PLEKHA8: variants seen among roughly 807,000 people sequenced by gnomAD.
PLEKHA8 encodes pleckstrin homology domain containing A8.
A neutral mutation model predicts 68.2 loss-of-function variants in PLEKHA8; 36 were observed. That is an observed-to-expected ratio of 0.53 (90% CI 0.40 to 0.70). The LOEUF (loss-of-function observed/expected upper bound fraction) is 0.70, where lower values mean the gene tolerates loss of function less well. Among genes scored for constraint, PLEKHA8 ranks in the 30% least tolerant of loss-of-function variants. PLEKHA8 has a pLI of 0.00. For missense variants in PLEKHA8, 505 were observed against 615.4 expected, an observed-to-expected ratio of 0.82 and a Z score of 1.90; for synonymous variants, 211 against 216.1, an observed-to-expected ratio of 0.98 and a Z score of 0.20.
At position 30,082,330 on chromosome 7, in the gene PLEKHA8, T is replaced by A. The variant is rs1794977112; in HGVS notation, c.*3543T>A. 5.1e-6 allele frequency: 5 copies of A among 985,448 alleles called. No homozygotes were observed. Among genetic ancestry groups the A allele is most frequent in the Non-Finnish European group, 4.8e-6 (4 of 830,060 alleles). The allele number at this position is 985,448 out of a possible 1,614,324, so 61.0% of individuals were successfully genotyped here. A position where few individuals can be genotyped will look rare whatever the true frequency, so the allele number is the denominator to read the frequency against. On this transcript the variant is annotated 3_prime_UTR_variant, in exon 14 of 14. Transcript: ENST00000449726. ...ATCAGCACACCAAATCTACCCCCAC[T>A]TATGTTTGTTCTGCCCCATTTCCCA...
rs1562563671 is a variant in PLEKHA8 at position 30,128,109 on chromosome 7, T to TAC, written c.1363-1157_1363-1156insAC. Among the ~76,000 whole-genome samples, 57 of 151,292 alleles carry TAC rather than the reference T, an allele frequency of 3.8e-4. 1 individual carries two copies. Among genetic ancestry groups the TAC allele is most frequent in the Middle Eastern group, 3.4e-3 (1 of 292 alleles). ...TTACTGTATTTTTTTTTTTTTTTTT[T>TAC]TTACTTATTTATTTTGAGACAAGGT... is the stretch of plus-strand genomic sequence containing the variant. On this transcript the variant is annotated intron_variant, in intron 13 of 13. Transcript: ENST00000396257.
At chr7:30,090,675 A>G in exon 13 of PLEKHA8, 5 of 627,022 alleles carry the variant, frequency 8.0e-6, no homozygotes, top group Non-Finnish European at 9.9e-6. Flanking sequence ...TACTGTCTCA[A>G]CTTTTTTCAA....
At chr7:30,088,683 A>G (rs1795277789), downstream of PLEKHA8, among the ~76,000 whole-genome samples, 1 of 152,250 alleles carries the variant, frequency 6.6e-6, no homozygotes, top group Non-Finnish European at 1.5e-5. Context: ...CACCCAGGCA[A>G]TGGAAGGAGC....
intron 12 of PLEKHA8, among the ~76,000 whole-genome samples, chr7:30,065,755 A>G (rs1419347658): frequency 6.6e-6 from 1 of 152,194 alleles, no homozygotes; most frequent in Admixed American, 6.5e-5. Flanking sequence ...TAAGTTTTTG[A>G]TAAATATTTT....
chr7:30,070,884 G>A (rs1298284266), intron 12 of PLEKHA8, among the ~76,000 whole-genome samples: 3 of 152,270 alleles, frequency 2.0e-5, no homozygotes, highest in African/African-American at 7.2e-5. Flanking sequence ...CTAGCCAGGT[G>A]GGCCTTGGAG....
chr7:30,101,330 C>T (rs1053668461), intron 13 of PLEKHA8, among the ~76,000 whole-genome samples: 2 of 152,156 alleles, frequency 1.3e-5, no homozygotes, highest in South Asian at 2.1e-4. Flanking sequence ...TAATAAAATA[C>T]CATAGACCGG....
chr7:30,093,783 C>G (rs1162758849), downstream of PLEKHA8, among the ~76,000 whole-genome samples: 19 of 152,232 alleles, frequency 1.2e-4, no homozygotes, highest in Admixed American at 1.2e-3. Flanking sequence ...CATGGGTACT[C>G]AGCTCCAAGC....
chr7:30,085,108 C>G (rs1367543175), downstream of PLEKHA8, among the ~76,000 whole-genome samples: 1 of 151,954 alleles, frequency 6.6e-6, no homozygotes, highest in Non-Finnish European at 1.5e-5. Context: ...CCATGTCTGA[C>G]TTTTAATTTT....
chr7:30,108,067 C>CAAAAAAAAAA (rs796801365), intron 13 of PLEKHA8, among the ~76,000 whole-genome samples: 1 of 52,828 alleles, frequency 1.9e-5, no homozygotes, highest in African/African-American at 7.3e-5. Context: ...AACTCCATCT[C>CAAAAAAAAAA]AAAAAAAAAA....
At chr7:30,039,585 A>G (rs896233968) in intron 1 of PLEKHA8, among the ~76,000 whole-genome samples, 5 of 152,176 alleles carry the variant, frequency 3.3e-5, no homozygotes, top group Admixed American at 2.0e-4. Flanking sequence ...GTTATCGTAA[A>G]TGGATTTGTT....
downstream of PLEKHA8, among the ~76,000 whole-genome samples, chr7:30,091,757 T>C (rs1328750468): frequency 1.3e-5 from 2 of 152,214 alleles, no homozygotes; most frequent in Admixed American, 1.3e-4. Context: ...GCACATGAAT[T>C]GGCTGCAGTT....
chr7:30,118,813 G>A (rs1476902036), intron 13 of PLEKHA8, among the ~76,000 whole-genome samples: 2 of 151,848 alleles, frequency 1.3e-5, no homozygotes, highest in Non-Finnish European at 1.5e-5. Context: ...TCCAGACCTT[G>A]TGATCCGCCC....
chr7:30,068,707 T>C lies in PLEKHA8; in HGVS notation c.1301-5364T>C, dbSNP rs140441400. Among the ~76,000 whole-genome samples, 74 of 152,338 alleles carry C rather than the reference T, an allele frequency of 4.9e-4. 1 individual carries two copies. The highest frequency in any genetic ancestry group is 3.4e-3 in the Middle Eastern group (1 of 294). ...TTGCGTTTGCTCTTTATCTATGGTG[T>C]CTTTTGGTATACAGAAGTTTCAGTT... On this transcript the variant is annotated intron_variant, in intron 12 of 13. Coordinates refer to ENST00000449726, the MANE Select transcript of PLEKHA8 (RefSeq NM_001197026.2).
intron 12 of PLEKHA8, 41 bp downstream of exon 12, chr7:30,062,783 G>A: frequency 6.8e-7 from 1 of 1,463,782 alleles, no homozygotes; most frequent in Non-Finnish European, 9.5e-7. Context: ...TCAATAGACT[G>A]TGGAATGGAG....
chr7:30,084,669 T>C, downstream of PLEKHA8: 1 of 892,058 alleles, frequency 1.1e-6, no homozygotes, highest in Non-Finnish European at 1.3e-6. Context: ...TTAAAGGTTT[T>C]TGTGTGGTTT....
Position 30,078,877 on chromosome 7 carries a change from C to G in PLEKHA8, c.*90C>G. ...AATTTCCAGCAACAGCCTCAACCCT[C>G]TCCAACCCCTTCACCTGGGGGGATG... On this transcript the variant is annotated 3_prime_UTR_variant, in exon 14 of 14. Transcript: ENST00000449726. 6.7e-7 allele frequency: 1 copy of G among 1,485,854 alleles called. No homozygotes were observed. The highest frequency in any genetic ancestry group is 8.9e-7 in the Non-Finnish European group (1 of 1,118,764). The allele number at this position is 1,485,854 out of a possible 1,614,324, so 92.0% of individuals were successfully genotyped here.
chr7:30,052,078 A>G (rs952036411), intron 6 of PLEKHA8, among the ~76,000 whole-genome samples: 3 of 152,206 alleles, frequency 2.0e-5, no homozygotes, highest in African/African-American at 7.2e-5. Context: ...AGTTGAGGAA[A>G]GTAAAGTGTG....
chr7:30,059,815 C>T (rs1305516457), intron 9 of PLEKHA8, among the ~76,000 whole-genome samples: 1 of 151,224 alleles, frequency 6.6e-6, no homozygotes, highest in Non-Finnish European at 1.5e-5. Flanking sequence ...GGCATATTAA[C>T]ATAGTAAACA....
In PLEKHA8 at chr7:30,079,618, A is replaced by G; in HGVS notation, c.*831A>G. 1 of 673,766 alleles carries G rather than the reference A, an allele frequency of 1.5e-6. No homozygotes were observed. Among genetic ancestry groups the G allele is most frequent in the Non-Finnish European group, 1.8e-6 (1 of 545,360 alleles). The allele number at this position is 673,766 out of a possible 1,614,324, so 41.7% of individuals were successfully genotyped here. A position where few individuals can be genotyped will look rare whatever the true frequency, so the allele number is the denominator to read the frequency against. On this transcript the variant is annotated 3_prime_UTR_variant, in exon 14 of 14. Coordinates refer to ENST00000449726, the MANE Select transcript of PLEKHA8 (RefSeq NM_001197026.2). ...AAAAGCAAGGTTTAGAAGTTGAGGGATCTGTTCACAGTCACATAGTTTTTA... is the reference window on the plus strand; with the variant it reads ...AAAAGCAAGGTTTAGAAGTTGAGGGGTCTGTTCACAGTCACATAGTTTTTA...
Sources: gnomAD v4.1 joint callset for allele counts (sites outside exome capture counted in the v4.1 genomes callset) on GRCh38, gnomAD v4.1.1 for gene constraint, MANE v1.5 for transcripts, NCBI Gene and HGNC (gene_info 2026-07-23, HGNC 2026-07-21) for gene names.